KCND2: variants seen among roughly 807,000 people sequenced by gnomAD.
KCND2 encodes the protein potassium voltage-gated channel subfamily D member 2.
In KCND2, 16 loss-of-function variants were observed where a neutral mutation model predicts 54.4. The observed-to-expected ratio is 0.29, with a 90% CI of 0.20 to 0.45. The LOEUF (loss-of-function observed/expected upper bound fraction) is 0.45, where lower values mean the gene tolerates loss of function less well. Among genes scored for constraint, KCND2 ranks in the 20% least tolerant of loss-of-function variants. The pLI is 1.00. For synonymous variants in KCND2, 317 were observed against 310.7 expected, an observed-to-expected ratio of 1.02 and a Z score of -0.21; for missense variants, 486 against 824.2, an observed-to-expected ratio of 0.59 and a Z score of 5.02.
At chr7:120,490,531 C>A (rs1802764666) in intron 1 of KCND2, among the ~76,000 whole-genome samples, 1 of 151,894 alleles carries the variant, frequency 6.6e-6, no homozygotes, top group Non-Finnish European at 1.5e-5. Context: ...GACTTTAGAA[C>A]CCTATTAAGA....
chr7:120,726,985 ATTAT>A (rs1792741314), intron 1 of KCND2, among the ~76,000 whole-genome samples: 1 of 152,196 alleles, frequency 6.6e-6, no homozygotes, highest in African/African-American at 2.4e-5. Context: ...TATCTTCATG[ATTAT>A]TTATCAATTA....
intron 1 of KCND2, among the ~76,000 whole-genome samples, chr7:120,717,334 A>G (rs1792616069): frequency 6.6e-6 from 1 of 152,116 alleles, no homozygotes; most frequent in Non-Finnish European, 1.5e-5. Context: ...CGCAGGACAG[A>G]AGGTTAATTC....
Position 120,747,726 on chromosome 7 carries a change from C to T in KCND2, c.1761C>T (p.Asn587=), listed in dbSNP as rs1793024472. Residue 587 remains asparagine, a synonymous_variant, in exon 6 of 6, where the codon AAC becomes AAT. Coordinates refer to ENST00000331113, the MANE Select transcript of KCND2 (RefSeq NM_012281.3). ...AAATGGAAGAGTGTGTTAAACTAAA[C>T]TGTGAACAACCTTATGTGACTACAG... is the stretch of plus-strand genomic sequence containing the variant. ...NAKMEECVKL[N]CEQPYVTTAI... is the part of the protein sequence containing the mutation. 1 of 1,612,556 alleles carries T rather than the reference C, an allele frequency of 6.2e-7. No individual in the cohort carries two copies. Among genetic ancestry groups the T allele is most frequent in the Non-Finnish European group, 8.5e-7 (1 of 1,178,980 alleles).
chr7:120,303,996 G>T lies in KCND2; in HGVS notation c.1115+28249G>T, dbSNP rs1290311527. ...AATTGTGCTTGCAATGGTGCCTTTAGTTGCATTATTGAAGCTTTTGACAGA... is the reference window on the plus strand; with the variant it reads ...AATTGTGCTTGCAATGGTGCCTTTATTTGCATTATTGAAGCTTTTGACAGA... On this transcript the variant is annotated intron_variant, in intron 1 of 5. Transcript: ENST00000331113. 2.0e-5 allele frequency among the ~76,000 whole-genome samples: 3 copies of T among 152,118 alleles called. 1 individual carries two copies. Among genetic ancestry groups the T allele is most frequent in the Admixed American group, 2.0e-4 (3 of 15,266 alleles).
chr7:120,644,783 C>G (rs988136989), intron 1 of KCND2, among the ~76,000 whole-genome samples: 1 of 152,170 alleles, frequency 6.6e-6, no homozygotes, highest in Non-Finnish European at 1.5e-5. Flanking sequence ...TCAAGCCCTC[C>G]TACAGAAATT....
chr7:120,470,565 T>C (rs1038094012), intron 1 of KCND2, among the ~76,000 whole-genome samples: 59 of 152,238 alleles, frequency 3.9e-4, no homozygotes, highest in African/African-American at 1.3e-3. Flanking sequence ...TCAATTTTCA[T>C]AAACTTTTTA....
chr7:120,493,584 A>C (rs1222622250), intron 1 of KCND2, among the ~76,000 whole-genome samples: 1 of 152,160 alleles, frequency 6.6e-6, no homozygotes, highest in Non-Finnish European at 1.5e-5. Context: ...TCCTTTTCAC[A>C]GAAAAACACA....
intron 1 of KCND2, among the ~76,000 whole-genome samples, chr7:120,372,736 C>A (rs535308657): frequency 6.6e-6 from 1 of 151,716 alleles, no homozygotes; most frequent in Non-Finnish European, 1.5e-5. Flanking sequence ...AATAGAAATT[C>A]GTCTTTTTGT....
At chr7:120,629,254 G>A (rs535690397) in intron 1 of KCND2, among the ~76,000 whole-genome samples, 88 of 152,310 alleles carry the variant, frequency 5.8e-4, no homozygotes, top group African/African-American at 2.1e-3. Flanking sequence ...TTGGGAGGCC[G>A]AGGCAGGCGG....
chr7:120,297,266 T>A (rs550763022), intron 1 of KCND2, among the ~76,000 whole-genome samples: 55 of 152,212 alleles, frequency 3.6e-4, no homozygotes, highest in African/African-American at 1.2e-3. Flanking sequence ...TATGTCCACA[T>A]GTACACATTA....
At chr7:120,611,689 C>T (rs981121600) in intron 1 of KCND2, among the ~76,000 whole-genome samples, 3 of 152,148 alleles carry the variant, frequency 2.0e-5, no homozygotes, top group Admixed American at 6.5e-5. Context: ...CTGCTCTCCA[C>T]GATGAAGTGA....
At chr7:120,722,294 C>A (rs1183571019) in intron 1 of KCND2, among the ~76,000 whole-genome samples, 2 of 152,088 alleles carry the variant, frequency 1.3e-5, no homozygotes, top group Non-Finnish European at 2.9e-5. Context: ...GAACACCAGG[C>A]CTTTCTGAGT....
intron 1 of KCND2, among the ~76,000 whole-genome samples, chr7:120,303,368 G>T (rs1799611685): frequency 6.6e-6 from 1 of 152,120 alleles, no homozygotes; most frequent in Non-Finnish European, 1.5e-5. Flanking sequence ...GTACAGAAAT[G>T]TATTTTCAGA....
intron 1 of KCND2, among the ~76,000 whole-genome samples, chr7:120,497,629 G>T (rs903701888): frequency 2.6e-5 from 4 of 152,086 alleles, no homozygotes; most frequent in African/African-American, 4.8e-5. Flanking sequence ...TTCTTATATT[G>T]CAAGTTTGTA....
intron 1 of KCND2, among the ~76,000 whole-genome samples, chr7:120,607,420 G>A (rs1167336503): frequency 6.6e-6 from 1 of 152,034 alleles, no homozygotes; most frequent in African/African-American, 2.4e-5. Flanking sequence ...GATCTGTAGG[G>A]TAAGAAATCT....
intron 1 of KCND2, among the ~76,000 whole-genome samples, chr7:120,596,686 A>G (rs770673864): frequency 7.2e-5 from 11 of 152,218 alleles, no homozygotes; most frequent in Non-Finnish European, 5.9e-5. Context: ...AATCTATCTA[A>G]TAGTACCTGA....
At chr7:120,464,939 A>G (rs1014018017) in intron 1 of KCND2, among the ~76,000 whole-genome samples, 1 of 152,208 alleles carries the variant, frequency 6.6e-6, no homozygotes, top group African/African-American at 2.4e-5. Context: ...AATTAGATCC[A>G]TCTAGATAAT....
intron 1 of KCND2, among the ~76,000 whole-genome samples, chr7:120,350,440 T>A (rs944501126): frequency 6.6e-6 from 1 of 152,128 alleles, no homozygotes; most frequent in African/African-American, 2.4e-5. Flanking sequence ...GTTGGACAAG[T>A]TAATGTTACT....
intron 1 of KCND2, among the ~76,000 whole-genome samples, chr7:120,713,226 T>A (rs562827989): frequency 3.8e-4 from 58 of 152,276 alleles, no homozygotes; most frequent in Non-Finnish European, 8.1e-4. Flanking sequence ...TCCTAGGAAG[T>A]CCATGAACCT....
Sources: allele counts gnomAD v4.1 joint callset (sites outside exome capture counted in the v4.1 genomes callset), GRCh38; gene constraint gnomAD v4.1.1; transcripts MANE v1.5; gene names NCBI Gene and HGNC (gene_info 2026-07-23, HGNC 2026-07-21).